The following SDK1 variants were observed in gnomAD, a reference collection of about 807,000 sequenced individuals.
SDK1 encodes the protein protein sidekick-1.
SDK1 carries 157 observed loss-of-function variants against 245.5 expected under a neutral mutation model. The ratio of observed to expected loss-of-function variants is 0.64; its 90% CI spans 0.56 to 0.73. The LOEUF (loss-of-function observed/expected upper bound fraction) is 0.73, where lower values mean the gene tolerates loss of function less well. SDK1 is among the 30% of genes least tolerant of loss of function. The probability of loss-of-function intolerance (pLI) is 0.00; values close to 1 mark genes in which losing one functional copy is unlikely to be tolerated. For missense variants in SDK1, 3,583 were observed against 3,002.3 expected, an observed-to-expected ratio of 1.19 and a Z score of -4.52; for synonymous variants, 1,647 against 1,278.5, an observed-to-expected ratio of 1.29 and a Z score of -6.15.
intron 5 of SDK1, among the ~76,000 whole-genome samples, chr7:3,888,405 C>G (rs1399336915): frequency 1.3e-5 from 2 of 152,214 alleles, no homozygotes; most frequent in Non-Finnish European, 2.9e-5. Context: ...GAACCGTACC[C>G]CGCCTCTGCA....
chr7:3,772,700 C>G (rs559332677), intron 4 of SDK1, among the ~76,000 whole-genome samples: 1 of 152,270 alleles, frequency 6.6e-6, no homozygotes, highest in Admixed American at 6.5e-5. Context: ...AAGTTACTAT[C>G]CAGTATCTTT....
chr7:3,753,066 A>G lies in SDK1; in HGVS notation c.714-68384A>G, dbSNP rs185630855. The stretch of plus-strand genomic sequence containing the variant: ...CACAGGAAGGCACTGAGATCTTTCA[A>G]TGTACTGCCATCACATCACTAAGAT... On this transcript the variant is annotated intron_variant, in intron 4 of 44. Transcript: ENST00000404826. Among the ~76,000 whole-genome samples, 560 of 152,296 alleles carry G rather than the reference A, an allele frequency of 3.7e-3. 3 individuals carry two copies. Among genetic ancestry groups the G allele is most frequent in the South Asian group, 0.016 (78 of 4,828 alleles).
intron 35 of SDK1, among the ~76,000 whole-genome samples, chr7:4,195,848 G>C (rs1288761736): frequency 1.1e-4 from 17 of 152,140 alleles, no homozygotes; most frequent in Non-Finnish European, 2.9e-5. Context: ...AGCAGCCACG[G>C]TGGCAACAAG....
intron 1 of SDK1, among the ~76,000 whole-genome samples, chr7:3,329,197 A>C (rs1026744987): frequency 6.6e-6 from 1 of 152,138 alleles, no homozygotes; most frequent in Non-Finnish European, 1.5e-5. Flanking sequence ...CATTTTGCAG[A>C]TAATGGTTGG....
At chr7:3,829,059 G>T (rs1779851463) in intron 5 of SDK1, among the ~76,000 whole-genome samples, 1 of 152,136 alleles carries the variant, frequency 6.6e-6, no homozygotes, top group Admixed American at 6.5e-5. Flanking sequence ...TGTATCAAAT[G>T]TTTAGACGTG....
intron 28 of SDK1, among the ~76,000 whole-genome samples, chr7:4,137,382 C>T (rs948331443): frequency 1.6e-4 from 25 of 152,210 alleles, no homozygotes; most frequent in African/African-American, 6.0e-4. Flanking sequence ...TCAGGCTGAC[C>T]TGGAGCTGAG....
At chr7:3,970,889 C>T (rs1247903408) in intron 11 of SDK1, among the ~76,000 whole-genome samples, 2 of 152,176 alleles carry the variant, frequency 1.3e-5, no homozygotes, top group Non-Finnish European at 2.9e-5. Context: ...GAGCAGGTCC[C>T]CCTTAGAGGT....
At chr7:4,151,355 A>G (rs916622005) in intron 30 of SDK1, among the ~76,000 whole-genome samples, 1 of 152,170 alleles carries the variant, frequency 6.6e-6, no homozygotes. Flanking sequence ...ATCGAGGTGG[A>G]ATGGTCCCTG....
intron 5 of SDK1, among the ~76,000 whole-genome samples, chr7:3,903,649 T>C (rs1450059358): frequency 6.6e-6 from 1 of 152,166 alleles, no homozygotes; most frequent in East Asian, 1.9e-4. Flanking sequence ...TGAAAGCATA[T>C]GTTCACTCAA....
chr7:3,804,284 G>C (rs983201638), intron 4 of SDK1, among the ~76,000 whole-genome samples: 2 of 152,172 alleles, frequency 1.3e-5, no homozygotes, highest in Non-Finnish European at 2.9e-5. Flanking sequence ...GGGTTTGGCT[G>C]AGGTCAGTTT....
At chr7:3,709,842 C>G (rs1416007545) in intron 4 of SDK1, among the ~76,000 whole-genome samples, 1 of 152,346 alleles carries the variant, frequency 6.6e-6, no homozygotes, top group African/African-American at 2.4e-5. Context: ...GCTGTAGGCT[C>G]TCTCCTCCTG....
At chr7:3,313,835 A>G (rs1779604476) in intron 1 of SDK1, among the ~76,000 whole-genome samples, 1 of 152,240 alleles carries the variant, frequency 6.6e-6, no homozygotes, top group African/African-American at 2.4e-5. Flanking sequence ...AAAGTATGTG[A>G]AGTAATACAT....
rs1054338105 is a variant in SDK1 at position 4,061,822 on chromosome 7, G to A, written c.2912-6016G>A. On this transcript the variant is annotated intron_variant, in intron 19 of 44. Transcript: ENST00000404826. ...CAGCCATAAAAAATGATGAATTCAT[G>A]TCCTTTGTAGGGACATGGATGAAAT... 1.6e-3 allele frequency among the ~76,000 whole-genome samples: 241 copies of A among 152,014 alleles called. 1 individual carries two copies. Among genetic ancestry groups the A allele is most frequent in the Non-Finnish European group, 2.6e-3 (177 of 67,994 alleles).
chr7:3,890,063 C>T (rs1296495621), intron 5 of SDK1, among the ~76,000 whole-genome samples: 1 of 152,228 alleles, frequency 6.6e-6, no homozygotes, highest in Non-Finnish European at 1.5e-5. Context: ...CAGACAGAGC[C>T]TTGGGAGACC....
At chr7:3,508,055 G>A (rs530464907) in intron 1 of SDK1, among the ~76,000 whole-genome samples, 7 of 152,066 alleles carry the variant, frequency 4.6e-5, no homozygotes, top group East Asian at 1.9e-4. Context: ...CCCTTTGTCT[G>A]TCTGGCTTCT....
intron 5 of SDK1, among the ~76,000 whole-genome samples, chr7:3,825,325 A>C (rs1201166500): frequency 1.3e-5 from 2 of 151,336 alleles, no homozygotes; most frequent in Non-Finnish European, 3.0e-5. Context: ...CTCTAAAAAA[A>C]AAAAAAAAAA....
At chr7:4,085,701 C>T (rs1278689431) in intron 22 of SDK1, among the ~76,000 whole-genome samples, 14 of 152,122 alleles carry the variant, frequency 9.2e-5, no homozygotes, top group Admixed American at 7.9e-4. Flanking sequence ...ATTACAGGTG[C>T]TCGCCACCAC....
intron 1 of SDK1, among the ~76,000 whole-genome samples, chr7:3,550,414 C>G (rs1175396520): frequency 2.0e-5 from 3 of 152,200 alleles, no homozygotes; most frequent in African/African-American, 7.2e-5. Context: ...GTGTATTAGA[C>G]AAGTTCAAAG....
At chr7:4,185,477 C>T (rs78728149) in intron 35 of SDK1, among the ~76,000 whole-genome samples, 6,685 of 152,220 alleles carry the variant, frequency 0.044, 238 homozygotes, top group African/African-American at 0.092. Context: ...CCCAGGCTTC[C>T]CCCTCCTTGA....
Sources: allele counts gnomAD v4.1 joint callset (sites outside exome capture counted in the v4.1 genomes callset), GRCh38; gene constraint gnomAD v4.1.1; transcripts MANE v1.5; gene names NCBI Gene and HGNC (gene_info 2026-07-23, HGNC 2026-07-21).